The following MVB12B variants were observed in gnomAD, a reference collection of about 807,000 sequenced individuals.
The protein encoded by MVB12B is ESCRT-I complex subunit MVB12B.
In MVB12B, 16 loss-of-function variants were observed where a neutral mutation model predicts 41.6. The ratio of observed to expected loss-of-function variants is 0.38; its 90% CI spans 0.26 to 0.58. The LOEUF is 0.58. MVB12B is among the 20% of genes least tolerant of loss of function. The probability of loss-of-function intolerance (pLI) is 0.62; values close to 1 mark genes in which losing one functional copy is unlikely to be tolerated. For missense variants in MVB12B, 274 were observed against 380.2 expected (o/e 0.72, Z 2.32); for synonymous variants, 133 against 139.7 (o/e 0.95, Z 0.34).
At chr9:126,470,215 AGACGTTTGGAGG>A (rs886485618) in intron 7 of MVB12B, among the ~76,000 whole-genome samples, 15 of 152,314 alleles carry the variant, frequency 9.8e-5, no homozygotes, top group African/African-American at 3.6e-4. Flanking sequence ...CCCAACCCAA[AGACGTTTGGAGG>A]GACAAAAGCA....
intron 9 of MVB12B, among the ~76,000 whole-genome samples, chr9:126,484,576 G>A (rs1345261674): frequency 4.2e-5 from 1 of 23,626 alleles, no homozygotes; most frequent in African/African-American, 9.4e-5. Flanking sequence ...TGCTTCATGA[G>A]GTCAGGGTAC....
At chr9:126,457,565 G>A (rs1429253297) in intron 7 of MVB12B, among the ~76,000 whole-genome samples, 1 of 152,116 alleles carries the variant, frequency 6.6e-6, no homozygotes, top group African/African-American at 2.4e-5. Context: ...TGTATGTTGT[G>A]TACGGGTAGA....
chr9:126,442,647 T>A (rs1409337286), intron 7 of MVB12B, among the ~76,000 whole-genome samples: 2 of 152,180 alleles, frequency 1.3e-5, no homozygotes, highest in Non-Finnish European at 2.9e-5. Context: ...GCTCCTTGTG[T>A]CTTTGCACTC....
At chr9:126,430,042 T>C (rs1351075548) in intron 7 of MVB12B, among the ~76,000 whole-genome samples, 4 of 152,182 alleles carry the variant, frequency 2.6e-5, no homozygotes, top group Non-Finnish European at 5.9e-5. Flanking sequence ...GGCCCGGGCC[T>C]TCTGGGCTGC....
intron 1 of MVB12B, among the ~76,000 whole-genome samples, chr9:126,336,459 C>T (rs1331022432): frequency 2.0e-5 from 3 of 152,180 alleles, no homozygotes; most frequent in Admixed American, 6.5e-5. Flanking sequence ...AGCAGTGTGC[C>T]GTCTGTATGA....
At chr9:126,364,677 CTT>C (rs1304559094) in intron 2 of MVB12B, among the ~76,000 whole-genome samples, 1 of 152,216 alleles carries the variant, frequency 6.6e-6, no homozygotes, top group Admixed American at 6.5e-5. Flanking sequence ...GGAATTGTGT[CTT>C]AGGTTTGGAC....
chr9:126,375,044 A>T (rs1241163046), intron 2 of MVB12B, among the ~76,000 whole-genome samples: 1 of 151,994 alleles, frequency 6.6e-6, no homozygotes. Flanking sequence ...TTTTCCCTCT[A>T]GTACTTTATC....
chr9:126,332,089 C>G (rs910329968), intron 1 of MVB12B, among the ~76,000 whole-genome samples: 18 of 152,144 alleles, frequency 1.2e-4, no homozygotes, highest in Admixed American at 6.5e-5. Context: ...CCTTGCAGTT[C>G]CCCGAGCAGT....
intron 9 of MVB12B, 52 bp from the exon 10 acceptor site, chr9:126,503,125 C>T: frequency 6.9e-7 from 1 of 1,456,798 alleles, no homozygotes; most frequent in Non-Finnish European, 9.4e-7. Context: ...GAGGGGTTTC[C>T]CTAGTGTCCC....
Position 126,424,221 on chromosome 9 carries a change from T to C in MVB12B, c.757+2273T>C, listed in dbSNP as rs551372967. On this transcript the variant is annotated intron_variant, in intron 7 of 9. Coordinates refer to ENST00000361171, the MANE Select transcript of MVB12B (RefSeq NM_033446.3). ...ATGTGTATGTATGGTTGTTAAAGTA[T>C]ATTAACTTTTAAATGTTTTCTCAGT... Among the ~76,000 whole-genome samples, 3 of 152,354 alleles carry C rather than the reference T, an allele frequency of 2.0e-5. No individual in the cohort carries two copies. In the East Asian group the frequency reaches 5.8e-4, roughly 29 times the overall value.
intron 2 of MVB12B, among the ~76,000 whole-genome samples, chr9:126,361,925 A>T (rs1830041322): frequency 6.6e-6 from 1 of 151,994 alleles, no homozygotes; most frequent in African/African-American, 2.4e-5. Flanking sequence ...AAAAAAAAAA[A>T]AAAAAAGATG....
At chr9:126,336,623 GTT>G (rs1829285952) in intron 1 of MVB12B, among the ~76,000 whole-genome samples, 1 of 152,228 alleles carries the variant, frequency 6.6e-6, no homozygotes, top group Non-Finnish European at 1.5e-5. Flanking sequence ...TTGTTGTGTG[GTT>G]TGCATGGTGC....
intron 7 of MVB12B, among the ~76,000 whole-genome samples, chr9:126,477,186 G>A (rs1166333692): frequency 6.6e-6 from 1 of 152,112 alleles, no homozygotes; most frequent in African/African-American, 2.4e-5. Flanking sequence ...GAGAGGGCCA[G>A]GGGAGGTGCC....
chr9:126,367,177 A>G lies in MVB12B; in HGVS notation c.205-13887A>G, dbSNP rs1830205361. Among the ~76,000 whole-genome samples the G allele has an allele frequency of 1.3e-5, 2 of 152,050 alleles. No individual in the cohort carries two copies. Among genetic ancestry groups the G allele is most frequent in the African/African-American group, 2.4e-5 (1 of 41,474 alleles). On this transcript the variant is annotated intron_variant, in intron 2 of 9. Transcript: ENST00000361171. The surrounding 1 kb of genome is among the most constrained non-coding windows in gnomAD (Gnocchi z 4.3). The stretch of plus-strand genomic sequence containing the variant: ...TTCTAAGCAGTCTCTGGTGCCTCCC[A>G]TCTCGACTCCAGGTTTCTCCTATAA...
chr9:126,405,091 G>T (rs547607998), intron 6 of MVB12B, among the ~76,000 whole-genome samples: 1 of 152,302 alleles, frequency 6.6e-6, no homozygotes, highest in East Asian at 1.9e-4. Flanking sequence ...CGATTCGTCA[G>T]TTCAGCTCCC....
chr9:126,365,193 ACAGGTGCCTGCCACCACACC>A (rs1830136904), intron 2 of MVB12B, among the ~76,000 whole-genome samples: 2 of 141,114 alleles, frequency 1.4e-5, no homozygotes, highest in East Asian at 4.2e-4. Flanking sequence ...AGCTGGGACT[ACAGGTGCCTGCCACCACACC>A]CAGCTAATTT....
At chr9:126,373,141 A>C (rs1225515262) in intron 2 of MVB12B, among the ~76,000 whole-genome samples, 1 of 151,872 alleles carries the variant, frequency 6.6e-6, no homozygotes, top group African/African-American at 2.4e-5. Context: ...TTCTTTTGCT[A>C]AAAAAAAGAG....
chr9:126,499,920 C>T (rs1160498514), intron 9 of MVB12B, among the ~76,000 whole-genome samples: 3 of 151,522 alleles, frequency 2.0e-5, no homozygotes, highest in Non-Finnish European at 4.4e-5. Flanking sequence ...CAGCCATGCC[C>T]TCCCCGTGAC....
chr9:126,409,447 G>A (rs1462260581), intron 6 of MVB12B, among the ~76,000 whole-genome samples: 2 of 137,286 alleles, frequency 1.5e-5, no homozygotes, highest in South Asian at 2.5e-4. Context: ...GGATAGAAAT[G>A]CCTCCTTTGC....
Sources: gnomAD v4.1 joint callset for allele counts (sites outside exome capture counted in the v4.1 genomes callset) on GRCh38, gnomAD v4.1.1 for gene constraint, Gnocchi (gnomAD v3.1) non-coding constraint, MANE v1.5 for transcripts, NCBI Gene and HGNC (gene_info 2026-07-23, HGNC 2026-07-21) for gene names.